Variants in ASCC3 observed in about 807,000 individuals in gnomAD.
ASCC3 encodes ASC-1 complex subunit P200.
Under a neutral mutation model 256.3 loss-of-function variants are expected in ASCC3, and 158 were observed. The ratio of observed to expected loss-of-function variants is 0.62; its 90% CI spans 0.54 to 0.70. The LOEUF is 0.70. Ranked by LOEUF, ASCC3 falls within the 30% of genes least tolerant of loss-of-function variation. The pLI, the probability that ASCC3 is intolerant of heterozygous loss-of-function variation, is 0.00. For missense variants in ASCC3, 2,259 were observed against 2,626.0 expected (o/e 0.86, Z 3.05); for synonymous variants, 948 against 883.4 (o/e 1.07, Z -1.30).
In ASCC3 at chr6:100,722,665, C is replaced by T. The variant is rs929971896; in HGVS notation, c.1902+2874G>A. 4.6e-5 allele frequency among the ~76,000 whole-genome samples: 7 copies of T among 151,672 alleles called. No individual in the cohort carries two copies. The East Asian group carries it at 1.3e-3, about 29-fold the overall frequency. ...AACTGAATGAATGAATGAATAAAAA[C>T]ATAAATATACTGCACATGTTTTTCT... On this transcript the variant is annotated intron_variant, in intron 11 of 41. Transcript: ENST00000369162.
At chr6:100,566,076 C>A (rs1468596240) in intron 36 of ASCC3, among the ~76,000 whole-genome samples, 1 of 152,016 alleles carries the variant, frequency 6.6e-6, no homozygotes, top group East Asian at 1.9e-4. Context: ...AAAAGAAAAG[C>A]CAAACGTAAA....
intron 37 of ASCC3, among the ~76,000 whole-genome samples, chr6:100,539,774 T>G (rs903057306): frequency 2.0e-5 from 3 of 152,162 alleles, no homozygotes; most frequent in Non-Finnish European, 4.4e-5. Context: ...ATTCTTTATT[T>G]TTTTTAAAAA....
intron 39 of ASCC3, 103 bp downstream of exon 39, chr6:100,516,076 CT>C: frequency 7.2e-7 from 1 of 1,391,460 alleles, no homozygotes; most frequent in South Asian, 1.2e-5. Context: ...GACAATTTAA[CT>C]CAAGGTGAGC....
intron 25 of ASCC3, among the ~76,000 whole-genome samples, chr6:100,634,076 T>C (rs533383722): frequency 3.1e-4 from 47 of 152,200 alleles, no homozygotes; most frequent in Non-Finnish European, 4.4e-5. Flanking sequence ...GAACATAGTA[T>C]TGCACTACTA....
At chr6:100,701,169 T>A (rs1422502572) in intron 13 of ASCC3, among the ~76,000 whole-genome samples, 1 of 152,206 alleles carries the variant, frequency 6.6e-6, no homozygotes, top group East Asian at 1.9e-4. Context: ...ATATTTGATT[T>A]AAATCAGCTT....
chr6:100,653,629 C>A (rs986911652), intron 17 of ASCC3, among the ~76,000 whole-genome samples: 71 of 150,386 alleles, frequency 4.7e-4, no homozygotes, highest in African/African-American at 1.6e-3. Flanking sequence ...CAGAGCGAGG[C>A]TGGAGTGCAG....
intron 10 of ASCC3, among the ~76,000 whole-genome samples, chr6:100,749,189 C>A (rs1370043909): frequency 6.6e-6 from 1 of 151,802 alleles, no homozygotes; most frequent in African/African-American, 2.4e-5. Flanking sequence ...GGTGAGTGAA[C>A]GAAAAACGTT....
intron 36 of ASCC3, among the ~76,000 whole-genome samples, chr6:100,545,280 C>T (rs915454734): frequency 5.9e-5 from 9 of 151,962 alleles, no homozygotes; most frequent in South Asian, 2.1e-4. Flanking sequence ...CAGGTTCAAG[C>T]GCTTCTCTTG....
In ASCC3 at chr6:100,766,608, G is replaced by C. The variant is rs1781668833; in HGVS notation, c.1694C>G (p.Thr565Ser). 6.2e-7 allele frequency: 1 copy of C among 1,614,038 alleles called. No homozygotes were observed. The highest frequency in any genetic ancestry group is 8.5e-7 in the Non-Finnish European group (1 of 1,179,956). Residue 565 changes from threonine (T) to serine (S), a missense_variant, in exon 10 of 42, where the codon ACT (threonine) becomes AGT (serine). By Grantham distance (58) the Thr-to-Ser change is moderately conservative. Coordinates refer to ENST00000369162, the MANE Select transcript of ASCC3 (RefSeq NM_006828.4). ...ACTTTTGGACAACTGCATGTCACCA[G>C]TCAATTCTTTCACAATGATGCCTAG... ...EPLGIIVKELTGDMQLSKSEI... is the reference protein window; with the variant it reads ...EPLGIIVKELSGDMQLSKSEI...
chr6:100,880,435 T>G (rs903356716), intron 1 of ASCC3, among the ~76,000 whole-genome samples: 1 of 152,220 alleles, frequency 6.6e-6, no homozygotes, highest in Non-Finnish European at 1.5e-5. Flanking sequence ...GCCCCTAGAA[T>G]TATGCTTCTT....
chr6:100,537,899 T>G (rs1775243927), intron 37 of ASCC3, among the ~76,000 whole-genome samples: 3 of 150,180 alleles, frequency 2.0e-5, no homozygotes, highest in Admixed American at 2.0e-4. Context: ...TATAGATATA[T>G]ATACTGTATA....
At chr6:100,534,351 T>C (rs2114650788) in intron 37 of ASCC3, among the ~76,000 whole-genome samples, 1 of 152,350 alleles carries the variant, frequency 6.6e-6, no homozygotes, top group South Asian at 2.1e-4. Flanking sequence ...AGTTCTGGTT[T>C]TGTCACCAAA....
Position 100,638,505 on chromosome 6 carries a change from A to G in ASCC3, c.4122+96T>C, listed in dbSNP as rs1476151160. On this transcript the variant is annotated intron_variant, in intron 25 of 41. Coordinates refer to ENST00000369162, the MANE Select transcript of ASCC3 (RefSeq NM_006828.4). Reference sequence around the variant, plus strand: ...GAAATTCACTGAGAGTGACAAATCTATTCATTAGACCCTGCCAATATATTT... The same window carrying G: ...GAAATTCACTGAGAGTGACAAATCTGTTCATTAGACCCTGCCAATATATTT... The G allele has an allele frequency of 6.8e-6, 7 of 1,033,506 alleles. No homozygotes were observed. The East Asian group carries it at 1.7e-4, about 26-fold the overall frequency. The allele number at this position is 1,033,506 out of a possible 1,614,324, so 64.0% of individuals were successfully genotyped here.
Position 100,805,707 on chromosome 6 carries a change from C to G in ASCC3, c.922+53G>C. ...AATGTAATTACATTAAAAACATTTG[C>G]TAACCAATGAATATTTCCTTTAAAT... On this transcript the variant is annotated intron_variant, in intron 5 of 41. Coordinates refer to ENST00000369162, the MANE Select transcript of ASCC3 (RefSeq NM_006828.4). 4 of 1,585,078 alleles carry G rather than the reference C, an allele frequency of 2.5e-6. No homozygotes were observed. In the South Asian group the frequency reaches 4.5e-5, roughly 18 times the overall value.
intron 36 of ASCC3, among the ~76,000 whole-genome samples, chr6:100,573,513 T>A (rs1371997021): frequency 6.6e-6 from 1 of 152,126 alleles, no homozygotes; most frequent in Non-Finnish European, 1.5e-5. Flanking sequence ...AATTCAACAT[T>A]AAAGTTTCCA....
chr6:100,859,346 T>G, intron 3 of ASCC3: 1 of 706,072 alleles, frequency 1.4e-6, no homozygotes, highest in Non-Finnish European at 2.6e-6. Flanking sequence ...TTTCTAGGTA[T>G]TCTCTGTAGA....
At chr6:100,713,929 G>T (rs1451934408) in intron 13 of ASCC3, among the ~76,000 whole-genome samples, 2 of 152,106 alleles carry the variant, frequency 1.3e-5, no homozygotes, top group African/African-American at 2.4e-5. Context: ...TGCAAAGAAG[G>T]CTATACGGGA....
At chr6:100,818,993 G>C (rs1299837661) in intron 4 of ASCC3, among the ~76,000 whole-genome samples, 1 of 152,064 alleles carries the variant, frequency 6.6e-6, no homozygotes, top group South Asian at 2.1e-4. Flanking sequence ...GCCATAAAAA[G>C]GATGAGTTCA....
intron 37 of ASCC3, among the ~76,000 whole-genome samples, chr6:100,534,882 A>G (rs1374269193): frequency 6.6e-6 from 1 of 152,196 alleles, no homozygotes; most frequent in East Asian, 1.9e-4. Flanking sequence ...TCAAGACTAC[A>G]GAGTTTTCAT....
Sources: allele counts gnomAD v4.1 joint callset (sites outside exome capture counted in the v4.1 genomes callset), GRCh38; gene constraint gnomAD v4.1.1; transcripts MANE v1.5; gene names NCBI Gene and HGNC (gene_info 2026-07-23, HGNC 2026-07-21).